Variants in SYNPO2 observed in about 807,000 individuals in gnomAD.
SYNPO2 encodes synaptopodin 2.
SYNPO2 carries 56 observed loss-of-function variants against 85.0 expected under a neutral mutation model. The ratio of observed to expected loss-of-function variants is 0.66; its 90% CI spans 0.53 to 0.82. The LOEUF is 0.82. Among genes scored for constraint, SYNPO2 ranks in the 40% least tolerant of loss-of-function variants. The pLI is 0.00. For synonymous variants in SYNPO2, 602 were observed against 591.1 expected, an observed-to-expected ratio of 1.02 and a Z score of -0.27; for missense variants, 1,575 against 1,534.2, an observed-to-expected ratio of 1.03 and a Z score of -0.44.
intron 1 of SYNPO2, among the ~76,000 whole-genome samples, chr4:118,861,222 G>C (rs11944359): frequency 3.9e-5 from 6 of 152,034 alleles, no homozygotes; most frequent in African/African-American, 1.5e-4. Context: ...GTGCGATCTC[G>C]ACTCACTGCA....
Position 119,023,687 on chromosome 4 carries a change from C to T in SYNPO2, c.257+106C>T, listed in dbSNP as rs762617503. ...GTCATTTATGGAGAAATTAGGGGTG[C>T]TTTGTAGAAGGTTAGGTATAGTTAA... is the stretch of plus-strand genomic sequence containing the variant. On this transcript the variant is annotated intron_variant, in intron 2 of 4. Transcript: ENST00000307142. 367 of 1,297,944 alleles carry T rather than the reference C, an allele frequency of 2.8e-4. 1 individual carries two copies. Among genetic ancestry groups the T allele is most frequent in the Non-Finnish European group, 5.7e-5 (56 of 981,526 alleles). The allele number at this position is 1,297,944 out of a possible 1,614,324, so 80.4% of individuals were successfully genotyped here. A position where few individuals can be genotyped will look rare whatever the true frequency, so the allele number is the denominator to read the frequency against.
intron 1 of SYNPO2, among the ~76,000 whole-genome samples, chr4:119,013,288 CAGTTAA>C (rs1296785088): frequency 2.0e-5 from 3 of 152,082 alleles, no homozygotes; most frequent in Non-Finnish European, 2.9e-5. Flanking sequence ...CCTGATGAAG[CAGTTAA>C]AGTTTGATTT....
At position 118,918,943 on chromosome 4, in the gene SYNPO2, A is replaced by G. The variant is rs552055637; in HGVS notation, c.105+29802A>G. On this transcript the variant is annotated intron_variant, in intron 1 of 4. Coordinates refer to ENST00000307142, the MANE Select transcript of SYNPO2 (RefSeq NM_133477.3). ...GTTTTAAAATGTTTTTAAAAATATTATTAATTGTACCAACCAGACAGAATA... is the reference window on the plus strand; with the variant it reads ...GTTTTAAAATGTTTTTAAAAATATTGTTAATTGTACCAACCAGACAGAATA... Among the ~76,000 whole-genome samples the G allele has an allele frequency of 1.3e-4, 20 of 152,362 alleles. No homozygotes were observed. In the South Asian group the frequency reaches 4.1e-3, roughly 32 times the overall value.
intron 1 of SYNPO2, among the ~76,000 whole-genome samples, chr4:118,899,758 G>A (rs548980532): frequency 1.3e-5 from 2 of 151,884 alleles, no homozygotes; most frequent in Non-Finnish European, 2.9e-5. Context: ...GTACTTTTTT[G>A]TTTTGTTTTG....
At chr4:118,976,999 C>T (rs1242553462) in intron 1 of SYNPO2, among the ~76,000 whole-genome samples, 4 of 152,366 alleles carry the variant, frequency 2.6e-5, no homozygotes, top group Middle Eastern at 3.4e-3. Context: ...TAGAGGATCC[C>T]GCACCGGGGC....
intron 1 of SYNPO2, among the ~76,000 whole-genome samples, chr4:118,900,980 G>A (rs972914251): frequency 6.6e-6 from 1 of 151,632 alleles, no homozygotes; most frequent in Non-Finnish European, 1.5e-5. Flanking sequence ...ATTTGAAAAT[G>A]CCATAAGCCG....
chr4:118,900,090 A>G lies in SYNPO2; in HGVS notation c.105+10949A>G, dbSNP rs115526036. Among the ~76,000 whole-genome samples the G allele has an allele frequency of 5.6e-3, 849 of 152,304 alleles. 9 individuals carry two copies. Among genetic ancestry groups the G allele is most frequent in the Middle Eastern group, 0.024 (7 of 294 alleles). On this transcript the variant is annotated intron_variant, in intron 1 of 4. Coordinates refer to ENST00000307142, the MANE Select transcript of SYNPO2 (RefSeq NM_133477.3). Reference sequence around the variant, plus strand: ...TGTACTTTTTATTTGAAAAATATGAAATTGGGTTAGAAATTCTTCTTCCTA... The same window carrying G: ...TGTACTTTTTATTTGAAAAATATGAGATTGGGTTAGAAATTCTTCTTCCTA...
At chr4:119,001,674 T>C (rs1240353995) in intron 1 of SYNPO2, among the ~76,000 whole-genome samples, 1 of 152,194 alleles carries the variant, frequency 6.6e-6, no homozygotes, top group Non-Finnish European at 1.5e-5. Context: ...ATACCTAGTT[T>C]AAAGAGTCAA....
chr4:119,021,514 T>C (rs936763843), intron 1 of SYNPO2, among the ~76,000 whole-genome samples: 1 of 152,214 alleles, frequency 6.6e-6, no homozygotes, highest in Non-Finnish European at 1.5e-5. Flanking sequence ...TCTTAAAGTA[T>C]TCTTAAATTT....
intron 1 of SYNPO2, among the ~76,000 whole-genome samples, chr4:119,022,147 G>T (rs1433327738): frequency 6.6e-6 from 1 of 152,122 alleles, no homozygotes; most frequent in African/African-American, 2.4e-5. Flanking sequence ...ACTATACTGG[G>T]ATGGTTTTTA....
chr4:118,900,693 CTCTCTCTCTCTATATATATA>C (rs1186287795), intron 1 of SYNPO2, among the ~76,000 whole-genome samples: 2,711 of 49,322 alleles, frequency 0.055, 36 homozygotes, highest in East Asian at 0.09. Context: ...CTCTCTCTCT[CTCTCTCTCTCTATATATATA>C]TATATATATA....
At chr4:119,027,571 C>G in intron 3 of SYNPO2, 133 bp downstream of exon 3, 1 of 865,670 alleles carries the variant, frequency 1.2e-6, no homozygotes. Flanking sequence ...AATTAATGCA[C>G]AAAATCACAA....
At chr4:118,989,181 C>A (rs1026197620) in intron 1 of SYNPO2, among the ~76,000 whole-genome samples, 2 of 152,206 alleles carry the variant, frequency 1.3e-5, no homozygotes, top group African/African-American at 4.8e-5. Flanking sequence ...CACTCAGCTG[C>A]TTTAGCCTGC....
intron 1 of SYNPO2, among the ~76,000 whole-genome samples, chr4:119,013,362 A>T (rs549135718): frequency 3.3e-5 from 5 of 152,216 alleles, no homozygotes; most frequent in Non-Finnish European, 7.3e-5. Context: ...TGAAAAGTAC[A>T]TATAAAGCAC....
At chr4:118,930,244 TAA>T (rs933150598) in intron 1 of SYNPO2, among the ~76,000 whole-genome samples, 3 of 152,218 alleles carry the variant, frequency 2.0e-5, no homozygotes, top group Admixed American at 2.0e-4. Context: ...ACCTAGAAGC[TAA>T]GAGAGAAATA....
chr4:118,988,621 T>A (rs1375473799), intron 1 of SYNPO2, among the ~76,000 whole-genome samples: 1 of 152,214 alleles, frequency 6.6e-6, no homozygotes, highest in Admixed American at 6.5e-5. Flanking sequence ...TTTGTGAAAA[T>A]GTGGGCTTTT....
chr4:118,872,508 G>T (rs915250670), intron 1 of SYNPO2, among the ~76,000 whole-genome samples: 1 of 152,050 alleles, frequency 6.6e-6, no homozygotes, highest in Admixed American at 6.6e-5. Flanking sequence ...GGCAAGAATA[G>T]TTTTTTTTAA....
chr4:119,037,078 C>T, intron 4 of SYNPO2: 1 of 1,521,198 alleles, frequency 6.6e-7, no homozygotes, highest in Non-Finnish European at 8.8e-7. Flanking sequence ...TCATTCTTGA[C>T]ATGTTTATCT....
intron 1 of SYNPO2, among the ~76,000 whole-genome samples, chr4:118,937,221 A>G (rs1174422024): frequency 6.6e-6 from 1 of 152,208 alleles, no homozygotes; most frequent in African/African-American, 2.4e-5. Context: ...ATGTCCAAGT[A>G]CATCTCCCTT....
Sources: allele counts gnomAD v4.1 joint callset (sites outside exome capture counted in the v4.1 genomes callset), GRCh38; gene constraint gnomAD v4.1.1; transcripts MANE v1.5; gene names NCBI Gene and HGNC (gene_info 2026-07-23, HGNC 2026-07-21).